Variants in DENND1B observed in about 807,000 individuals in gnomAD.
DENND1B encodes the protein DENN domain containing 1B, also known as DENN domain-containing protein 1B.
DENND1B carries 59 observed loss-of-function variants against 90.1 expected under a neutral mutation model. The ratio of observed to expected loss-of-function variants is 0.65; its 90% confidence interval spans 0.53 to 0.81. DENND1B has a LOEUF of 0.81. Ranked by LOEUF, DENND1B falls within the 40% of genes least tolerant of loss-of-function variation. The pLI is 0.00. For synonymous variants in DENND1B, 337 were observed against 324.6 expected, an observed-to-expected ratio of 1.04 and a Z score of -0.41; for missense variants, 862 against 912.6, an observed-to-expected ratio of 0.94 and a Z score of 0.71.
chr1:197,738,410 A>G (rs551131301), intron 2 of DENND1B, among the ~76,000 whole-genome samples: 25 of 152,180 alleles, frequency 1.6e-4, no homozygotes, highest in Non-Finnish European at 3.4e-4. Context: ...GGTTTTCAGT[A>G]GTTGCATCCA....
intron 2 of DENND1B, among the ~76,000 whole-genome samples, chr1:197,755,942 C>T (rs1229107323): frequency 2.0e-5 from 3 of 152,140 alleles, no homozygotes; most frequent in Non-Finnish European, 4.4e-5. Flanking sequence ...ATGGGAGCAA[C>T]AAGATGAGAT....
chr1:197,565,098 G>C (rs1458460314), intron 15 of DENND1B, among the ~76,000 whole-genome samples: 1 of 151,730 alleles, frequency 6.6e-6, no homozygotes, highest in South Asian at 2.1e-4. Flanking sequence ...CAAAACTGTT[G>C]AATCTTCATT....
At chr1:197,750,973 C>T (rs1653426940) in intron 2 of DENND1B, among the ~76,000 whole-genome samples, 1 of 152,068 alleles carries the variant, frequency 6.6e-6, no homozygotes, top group South Asian at 2.1e-4. Context: ...AAGGAGGGAA[C>T]CAAGAAACCC....
At chr1:197,565,968 A>T (rs1439582343) in intron 15 of DENND1B, among the ~76,000 whole-genome samples, 1 of 151,550 alleles carries the variant, frequency 6.6e-6, no homozygotes, top group Non-Finnish European at 1.5e-5. Context: ...ATGTGTCTTT[A>T]TAGCAGCATG....
At chr1:197,713,780 T>TTA (rs1358389697) in intron 3 of DENND1B, among the ~76,000 whole-genome samples, 1 of 17,422 alleles carries the variant, frequency 5.7e-5, no homozygotes, top group Non-Finnish European at 8.3e-5. Context: ...TATTATTATA[T>TTA]TATATTATAA....
intron 3 of DENND1B, among the ~76,000 whole-genome samples, chr1:197,699,312 C>G (rs1438148514): frequency 6.6e-6 from 1 of 152,144 alleles, no homozygotes; most frequent in Non-Finnish European, 1.5e-5. Flanking sequence ...ACAAAAACCA[C>G]ACGATTATTT....
intron 2 of DENND1B, among the ~76,000 whole-genome samples, chr1:197,763,273 T>TA: frequency 6.6e-6 from 1 of 152,206 alleles, no homozygotes; most frequent in African/African-American, 2.4e-5. Context: ...TTGTCACTTC[T>TA]TTTTATATAT....
At chr1:197,535,240 G>A (rs4026514) in intron 20 of DENND1B, among the ~76,000 whole-genome samples, 78,978 of 151,948 alleles carry the variant, frequency 0.52, 21,291 homozygotes, top group East Asian at 0.66. Flanking sequence ...CAAATTTCCA[G>A]CCTCCAGGCA....
intron 10 of DENND1B, among the ~76,000 whole-genome samples, chr1:197,641,508 C>A (rs1418744364): frequency 6.6e-6 from 1 of 152,054 alleles, no homozygotes; most frequent in African/African-American, 2.4e-5. Flanking sequence ...CTTTTAAATG[C>A]ATATATTTTT....
intron 2 of DENND1B, among the ~76,000 whole-genome samples, chr1:197,760,880 AG>A (rs1654957707): frequency 1.3e-5 from 2 of 152,328 alleles, no homozygotes; most frequent in African/African-American, 4.8e-5. Context: ...TCTTTCAACT[AG>A]CATTCCATTT....
rs548901898 is a variant in DENND1B, at chr1:197,640,398, G to C, written c.672+2313C>G. On this transcript the variant is annotated intron_variant, in intron 10 of 22. Transcript: ENST00000620048. ...TGAGGTAGGAGAATATCTTGAACCT[G>C]GAAGGCAGAGGTTAGAGTGAGCCAA... Among the ~76,000 whole-genome samples, 5 of 151,692 alleles carry C rather than the reference G, an allele frequency of 3.3e-5. No homozygotes were observed. In the South Asian group the frequency reaches 1.0e-3, roughly 32 times the overall value.
rs1474617990 is a variant in DENND1B at position 197,544,984 on chromosome 1, G to A, written c.1350+938C>T. On this transcript the variant is annotated intron_variant, in intron 18 of 22. Coordinates refer to ENST00000620048, the MANE Select transcript of DENND1B (RefSeq NM_001195215.2). ...GAAGGAGAAGGAGGAAGGAGGAAGG[G>A]GAAGAAGGAAGAAGGAAGACGACGA... is the stretch of plus-strand genomic sequence containing the variant. Among the ~76,000 whole-genome samples the A allele has an allele frequency of 5.4e-3, 23 of 4,250 alleles. No homozygotes were observed. The East Asian group carries it at 0.15, about 28-fold the overall frequency. 2.8% of individuals were successfully genotyped at this position (4,250 alleles called of 152,430 possible).
chr1:197,699,041 C>A (rs769337746), intron 3 of DENND1B, among the ~76,000 whole-genome samples: 1 of 152,028 alleles, frequency 6.6e-6, no homozygotes, highest in Non-Finnish European at 1.5e-5. Context: ...AAAGGAGGGA[C>A]ACCTCCCTAA....
chr1:197,674,667 TAAAA>T (rs35033905), intron 3 of DENND1B, among the ~76,000 whole-genome samples: 1 of 144,690 alleles, frequency 6.9e-6, no homozygotes. Flanking sequence ...GTCAAACAGT[TAAAA>T]AAAAAAAAAA....
intron 2 of DENND1B, among the ~76,000 whole-genome samples, chr1:197,725,504 CAAT>C (rs1052182830): frequency 1.3e-5 from 2 of 151,442 alleles, no homozygotes; most frequent in Non-Finnish European, 2.9e-5. Context: ...ATATATAAAA[CAAT>C]GTTTACTGAA....
intron 3 of DENND1B, among the ~76,000 whole-genome samples, chr1:197,695,776 G>A (rs1245376838): frequency 6.6e-6 from 1 of 150,804 alleles, no homozygotes; most frequent in Non-Finnish European, 1.5e-5. Flanking sequence ...AGAAATCCAC[G>A]ATCATTTAAA....
intron 2 of DENND1B, among the ~76,000 whole-genome samples, chr1:197,764,494 T>C (rs1183247677): frequency 1.3e-5 from 2 of 152,266 alleles, no homozygotes; most frequent in East Asian, 3.9e-4. Flanking sequence ...TTTATGAAAT[T>C]CACTGAATTA....
chr1:197,706,328 T>C (rs1659533507), intron 3 of DENND1B, among the ~76,000 whole-genome samples: 1 of 152,140 alleles, frequency 6.6e-6, no homozygotes, highest in Non-Finnish European at 1.5e-5. Flanking sequence ...GTGAAGCTAG[T>C]AGGACAAAAC....
chr1:197,523,050 A>G (rs1293357589), intron 20 of DENND1B, among the ~76,000 whole-genome samples: 1 of 152,064 alleles, frequency 6.6e-6, no homozygotes, highest in Non-Finnish European at 1.5e-5. Flanking sequence ...TCGTGCTCAT[A>G]AGAAAAATTG....
Sources: allele counts gnomAD v4.1 joint callset (sites outside exome capture counted in the v4.1 genomes callset), GRCh38; gene constraint gnomAD v4.1.1; transcripts MANE v1.5; gene names NCBI Gene and HGNC (gene_info 2026-07-23, HGNC 2026-07-21).